AGBL5: variants seen among roughly 807,000 people sequenced by gnomAD.
AGBL5 encodes AGBL carboxypeptidase 5, also known as cytosolic carboxypeptidase-like protein 5.
AGBL5 carries 51 observed loss-of-function variants against 88.0 expected under a neutral mutation model. The ratio of observed to expected loss-of-function variants is 0.58; its 90% CI spans 0.46 to 0.73. AGBL5 has a LOEUF of 0.73. Among genes scored for constraint, AGBL5 ranks in the 30% least tolerant of loss-of-function variants. AGBL5 has a pLI of 0.00. For missense variants in AGBL5, 1,031 were observed against 1,162.2 expected (o/e 0.89, Z 1.64); for synonymous variants, 446 against 438.8 (o/e 1.02, Z -0.21).
At chr2:27,063,691 T>C (rs547033502) in intron 11 of AGBL5, among the ~76,000 whole-genome samples, 3 of 151,450 alleles carry the variant, frequency 2.0e-5, no homozygotes, top group South Asian at 2.1e-4. Context: ...AGATCTGGAG[T>C]GCTAGGGACG....
intron 13 of AGBL5, 103 bp from the exon 14 acceptor site, chr2:27,069,470 C>A: frequency 6.5e-7 from 1 of 1,538,962 alleles, no homozygotes; most frequent in Non-Finnish European, 8.8e-7. Flanking sequence ...CTCTACTGAT[C>A]CCTATACTAC....
At chr2:27,062,776 A>G (rs1440039797) in intron 11 of AGBL5, 1 of 152,318 alleles carries the variant, frequency 6.6e-6, no homozygotes, top group Non-Finnish European at 1.5e-5. Flanking sequence ...AAACATTCCC[A>G]AAGTGAGAAA....
At chr2:27,055,358 T>A in intron 6 of AGBL5, 105 bp downstream of exon 6, 1 of 1,427,006 alleles carries the variant, frequency 7.0e-7, no homozygotes, top group Middle Eastern at 2.5e-4. Flanking sequence ...CCAGTCCTCT[T>A]GCACCCTAAT....
rs1279216357 is a variant in AGBL5, at chr2:27,058,559, G to A, written c.1831G>A (p.Val611Ile). 5 of 1,614,174 alleles carry A rather than the reference G, an allele frequency of 3.1e-6. No homozygotes were observed. The highest frequency in any genetic ancestry group is 4.2e-6 in the Non-Finnish European group (5 of 1,180,040). ...RGLSSTLNVG[V>I]NKKRGLRTPP... ...CCTAAGCAGCACTCTGAATGTGGGT[G>A]TCAACAAGAAGAGGGGCCTTCGAAC... is the stretch of plus-strand genomic sequence containing the variant. Residue 611 changes from valine to isoleucine, a missense_variant, in exon 10 of 15, where the codon GTC (valine) becomes ATC (isoleucine). Physicochemically the swap from Val to Ile is conservative, Grantham distance 29. Around this residue, in one of 2 missense-constraint regions of AGBL5, gnomAD observed 491 missense variants for 484.0 expected, o/e 1.01. Transcript: ENST00000360131.
rs774270892 is a variant in AGBL5, at chr2:27,057,445, A to G, written c.1671+7A>G. ...TGTGGAACTATTTGAGCAGGTATGA[A>G]TACATGGTGTAAGTGGGAAAAGGGA... On this transcript the variant is annotated splice_region_variant and intron_variant, in intron 9 of 14. Coordinates refer to ENST00000360131, the MANE Select transcript of AGBL5 (RefSeq NM_021831.6). 5.6e-6 allele frequency: 9 copies of G among 1,598,426 alleles called. No homozygotes were observed. The highest frequency in any genetic ancestry group is 7.7e-6 in the Non-Finnish European group (9 of 1,170,248).
chr2:27,067,252 T>TAAAA (rs36064257), intron 11 of AGBL5, among the ~76,000 whole-genome samples: 12 of 104,478 alleles, frequency 1.1e-4, no homozygotes, highest in African/African-American at 2.6e-4. Context: ...TGGAAACCTT[T>TAAAA]AAAAAAAAAA....
rs538063635 is a variant in AGBL5, at chr2:27,064,636, A to G, written c.2090-2858A>G. 1.4e-3 allele frequency among the ~76,000 whole-genome samples: 213 copies of G among 149,584 alleles called. 1 individual carries two copies. The highest frequency in any genetic ancestry group is 4.9e-3 in the African/African-American group (198 of 40,470). On this transcript the variant is annotated intron_variant, in intron 11 of 14. Coordinates refer to ENST00000360131, the MANE Select transcript of AGBL5 (RefSeq NM_021831.6). ...TTAACCTATAATTGGTACCCAGCAT[A>G]TCTCCTCATAATAGAGTAGCTTCCA...
At chr2:27,051,219 A>C (rs1054042351), upstream of AGBL5, among the ~76,000 whole-genome samples, 1 of 152,160 alleles carries the variant, frequency 6.6e-6, no homozygotes, top group Non-Finnish European at 1.5e-5. Context: ...CAGGCGGGGG[A>C]TTAGCTCAAA....
chr2:27,070,262 G>T lies in AGBL5; in HGVS notation c.2660G>T (p.Ter887LeuextTer1). 1 of 1,614,144 alleles carries T rather than the reference G, an allele frequency of 6.2e-7. No homozygotes were observed. Among genetic ancestry groups the T allele is most frequent in the Non-Finnish European group, 8.5e-7 (1 of 1,179,988 alleles). The change falls in exon 15 of 15, where the codon TGA becomes TTA. Residue 887 changes from the stop codon to leucine (L), a stop_lost. Coordinates refer to ENST00000360131, the MANE Select transcript of AGBL5 (RefSeq NM_021831.6). ...CCACTGACTGTTTCTCCCCGGGTCT[G>T]ATAATGCCTTTATGTTCAAGCCCAG... is the stretch of plus-strand genomic sequence containing the variant. The part of the protein sequence containing the change: ...SPPLTVSPRV[*>L]
In AGBL5 at chr2:27,053,751, G is replaced by A. The variant is rs1668292009; in HGVS notation, c.388-145G>A. The stretch of plus-strand genomic sequence containing the variant: ...AGCCCCTGCCTCAGGAAGCCTAGAA[G>A]GAGCCACTTTTCATATAGAAAGTGT... On this transcript the variant is annotated intron_variant, in intron 3 of 14. Transcript: ENST00000360131. The surrounding 1 kb of genome is among the most constrained non-coding windows in gnomAD (Gnocchi z 4.9). 1 of 1,386,994 alleles carries A rather than the reference G, an allele frequency of 7.2e-7. No individual in the cohort carries two copies. Among genetic ancestry groups the A allele is most frequent in the Non-Finnish European group, 9.7e-7 (1 of 1,029,314 alleles). The allele number at this position is 1,386,994 out of a possible 1,614,324, so 85.9% of individuals were successfully genotyped here. A position where few individuals can be genotyped will look rare whatever the true frequency, so the allele number is the denominator to read the frequency against.
intron 13 of AGBL5, 191 bp from the exon 14 acceptor site, chr2:27,069,380 CAT>C: frequency 1.0e-6 from 1 of 985,432 alleles, no homozygotes; most frequent in Non-Finnish European, 1.2e-6. Flanking sequence ...ACTTGGAGTG[CAT>C]AGTCATGGAC....
At chr2:27,051,204 A>G (rs551075004), upstream of AGBL5, among the ~76,000 whole-genome samples, 12 of 152,298 alleles carry the variant, frequency 7.9e-5, no homozygotes, top group South Asian at 1.2e-3. Context: ...GAAAGAACTA[A>G]GCAGCAGGCG....
intron 11 of AGBL5, among the ~76,000 whole-genome samples, chr2:27,065,764 C>T (rs545179333): frequency 1.3e-5 from 2 of 152,180 alleles, no homozygotes; most frequent in East Asian, 3.9e-4. Context: ...AGAGAGGTAA[C>T]ATTTGAGATG....
upstream of AGBL5, among the ~76,000 whole-genome samples, chr2:27,050,478 A>G (rs1668022791): frequency 6.6e-6 from 1 of 152,180 alleles, no homozygotes; most frequent in Non-Finnish European, 1.5e-5. Flanking sequence ...GCTGCCCCGG[A>G]GCTCCAGGAG....
In AGBL5 at chr2:27,053,480, G is replaced by A. The variant is rs1572812348; in HGVS notation, c.294G>A (p.Gln98=). ...TCAACATTATGAACATGAACAAGCA[G>A]AGCAAGCTGTATTCCCAGGGCATGG... ...IKINIMNMNK[Q]SKLYSQGMAP... Residue 98 remains glutamine (Q), a synonymous_variant, in exon 3 of 15, where the codon CAG becomes CAA. Transcript: ENST00000360131. The surrounding 1 kb of genome is among the most constrained non-coding windows in gnomAD (Gnocchi z 4.9). 1 of 1,614,118 alleles carries A rather than the reference G, an allele frequency of 6.2e-7. No individual in the cohort carries two copies. Among genetic ancestry groups the A allele is most frequent in the East Asian group, 2.2e-5 (1 of 44,878 alleles).
chr2:27,058,622 A>C lies in AGBL5; in HGVS notation c.1874+20A>C. ...TCACAAGTAAGGCCAGCAAAATAGG[A>C]GGGAGAAAGGGTAGGACAGTGGGAC... On this transcript the variant is annotated intron_variant, in intron 10 of 14. Coordinates refer to ENST00000360131, the MANE Select transcript of AGBL5 (RefSeq NM_021831.6). The C allele has an allele frequency of 6.2e-7, 1 of 1,612,428 alleles. No individual in the cohort carries two copies. Among genetic ancestry groups the C allele is most frequent in the Non-Finnish European group, 8.5e-7 (1 of 1,179,274 alleles).
chr2:27,054,356 A>G (rs1290244328), intron 4 of AGBL5: 2 of 553,102 alleles, frequency 3.6e-6, no homozygotes, highest in Non-Finnish European at 6.3e-6. Flanking sequence ...TACCTTTTTT[A>G]TCTGCCCCCA....
chr2:27,067,989 A>G (rs1360333354), intron 12 of AGBL5, among the ~76,000 whole-genome samples: 5 of 152,202 alleles, frequency 3.3e-5, no homozygotes. Flanking sequence ...AAAACAGGAG[A>G]ATGAAAAAAG....
intron 5 of AGBL5, 45 bp downstream of exon 5, chr2:27,054,852 C>A: frequency 6.3e-7 from 1 of 1,588,240 alleles, no homozygotes; most frequent in South Asian, 1.1e-5. Flanking sequence ...TTTTCTCTAG[C>A]ACCAGGTACT....
Sources: allele counts gnomAD v4.1 joint callset (sites outside exome capture counted in the v4.1 genomes callset), GRCh38; gene constraint gnomAD v4.1.1; regional missense constraint gnomAD v4.1.1; non-coding constraint Gnocchi (gnomAD v3.1); transcripts MANE v1.5; gene names NCBI Gene and HGNC (gene_info 2026-07-23, HGNC 2026-07-21).